NADK2: variants seen among roughly 807,000 people sequenced by gnomAD.
NADK2 encodes NAD kinase domain-containing protein 1, mitochondrial.
NADK2 carries 35 observed loss-of-function variants against 62.1 expected under a neutral mutation model. The ratio of observed to expected loss-of-function variants is 0.56; its 90% CI spans 0.43 to 0.75. NADK2 has a LOEUF of 0.75. Among genes scored for constraint, NADK2 ranks in the 30% least tolerant of loss-of-function variants. The pLI is 0.00. For synonymous variants in NADK2, 205 were observed against 207.9 expected (o/e 0.99, Z 0.12); for missense variants, 439 against 561.3 (o/e 0.78, Z 2.20).
chr5:36,195,527 T>C (rs1385976960), intron 11 of NADK2, among the ~76,000 whole-genome samples: 3 of 152,218 alleles, frequency 2.0e-5, no homozygotes, highest in Admixed American at 2.0e-4. Flanking sequence ...ACTCACAGGC[T>C]GTTTTCATAT....
In NADK2 at chr5:36,241,755, A is replaced by C. The variant is rs1428782463; in HGVS notation, c.44T>G (p.Val15Gly). The C allele has an allele frequency of 7.6e-7, 1 of 1,314,864 alleles. No individual in the cohort carries two copies. The highest frequency in any genetic ancestry group is 9.7e-7 in the Non-Finnish European group (1 of 1,027,546). 81.4% of individuals were successfully genotyped at this position (1,314,864 alleles called of 1,614,324 possible). Reference protein sequence around the residue: ...RGFLLGSCCRVAGGRAAALRG... With the variant: ...RGFLLGSCCRGAGGRAAALRG... Reference sequence around the variant, plus strand: ...CAGCGCCGCCGCCCGGCCGCCCGCCACGCGACAACAGCTGCCCAGCAAGAA... The same window carrying C: ...CAGCGCCGCCGCCCGGCCGCCCGCCCCGCGACAACAGCTGCCCAGCAAGAA... Residue 15 changes from valine to glycine, a missense_variant, in exon 1 of 12, where the codon GTG becomes GGG. By Grantham distance (109) the Val-to-Gly change is moderately radical (BLOSUM62 -3). Transcript: ENST00000381937. The surrounding 1 kb of genome is among the most constrained non-coding windows in gnomAD (Gnocchi z 4.9).
intron 2 of NADK2, among the ~76,000 whole-genome samples, chr5:36,226,925 G>C (rs145285021): frequency 1.1e-3 from 174 of 152,190 alleles, no homozygotes; most frequent in Middle Eastern, 3.4e-3. Flanking sequence ...ACCTTAGAGT[G>C]ACAATTTTTT....
intron 11 of NADK2, among the ~76,000 whole-genome samples, chr5:36,197,059 T>C (rs371275202): frequency 1.4e-4 from 21 of 152,078 alleles, no homozygotes; most frequent in East Asian, 5.8e-4. Context: ...CTTTTTTATA[T>C]CCTCTCTCCC....
intron 4 of NADK2, among the ~76,000 whole-genome samples, chr5:36,223,287 G>A (rs901057577): frequency 1.3e-5 from 2 of 152,036 alleles, no homozygotes; most frequent in African/African-American, 2.4e-5. Context: ...AAATAATCAC[G>A]CTGGCTGCAG....
intron 4 of NADK2, among the ~76,000 whole-genome samples, chr5:36,222,806 G>A (rs1274321409): frequency 6.6e-6 from 1 of 152,208 alleles, no homozygotes; most frequent in African/African-American, 2.4e-5. Context: ...TCAAAAGTAA[G>A]TTCCCTAGAA....
At chr5:36,228,783 T>C (rs2112174204) in intron 1 of NADK2, among the ~76,000 whole-genome samples, 1 of 134,352 alleles carries the variant, frequency 7.4e-6, no homozygotes, top group African/African-American at 2.5e-5. Context: ...CACAACCAGC[T>C]AATTTATTTT....
intron 1 of NADK2, among the ~76,000 whole-genome samples, chr5:36,235,499 T>C (rs1747869637): frequency 6.6e-6 from 1 of 152,186 alleles, no homozygotes; most frequent in Non-Finnish European, 1.5e-5. Context: ...CCAAAGAGAC[T>C]GATTCAGAGA....
At chr5:36,219,285 A>C (rs1391438628) in intron 5 of NADK2, among the ~76,000 whole-genome samples, 1 of 152,084 alleles carries the variant, frequency 6.6e-6, no homozygotes, top group African/African-American at 2.4e-5. Context: ...ATCTCGGCTC[A>C]CTGGAACCTC....
At chr5:36,213,063 G>T in intron 6 of NADK2, 1 of 152,300 alleles carries the variant, frequency 6.6e-6, no homozygotes. Context: ...AGACCAACAT[G>T]GTGAGGAACT....
intron 1 of NADK2, among the ~76,000 whole-genome samples, chr5:36,233,691 C>T (rs1277551554): frequency 6.6e-6 from 1 of 152,078 alleles, no homozygotes; most frequent in East Asian, 1.9e-4. Context: ...TTTTATAAAA[C>T]ATACAAGGCT....
intron 1 of NADK2, among the ~76,000 whole-genome samples, chr5:36,229,042 A>G (rs1747605692): frequency 6.6e-6 from 1 of 152,234 alleles, no homozygotes; most frequent in Non-Finnish European, 1.5e-5. Context: ...TAAAGAAAAC[A>G]CTAACAATAT....
At chr5:36,197,125 A>G (rs1182805969) in intron 11 of NADK2, among the ~76,000 whole-genome samples, 2 of 152,086 alleles carry the variant, frequency 1.3e-5, no homozygotes, top group Non-Finnish European at 2.9e-5. Context: ...GGGAAAACCT[A>G]GAAGAAATGA....
In NADK2 at chr5:36,193,264, C is replaced by A. The variant is rs1746085953; in HGVS notation, c.*1880G>T. On this transcript the variant is annotated 3_prime_UTR_variant, in exon 12 of 12. Coordinates refer to ENST00000381937, the MANE Select transcript of NADK2 (RefSeq NM_001085411.3). ...GGCCGAGGCAGGCAGATCACAAGGT[C>A]AGGAGTTCGAGACCAGCCTGACCAA... 6.6e-6 allele frequency: 1 copy of A among 151,978 alleles called. No homozygotes were observed. The highest frequency in any genetic ancestry group is 2.4e-5 in the African/African-American group (1 of 41,358). 9.4% of individuals were successfully genotyped at this position (151,978 alleles called of 1,614,324 possible). A position where few individuals can be genotyped will look rare whatever the true frequency, so the allele number is the denominator to read the frequency against.
Position 36,205,055 on chromosome 5 carries a change from A to G in NADK2, c.956+2115T>C, listed in dbSNP as rs774544447. Among the ~76,000 whole-genome samples the G allele has an allele frequency of 9.2e-5, 14 of 152,102 alleles. No individual in the cohort carries two copies. The highest frequency in any genetic ancestry group is 1.3e-4 in the Non-Finnish European group (9 of 68,000). On this transcript the variant is annotated intron_variant, in intron 8 of 11. Coordinates refer to ENST00000381937, the MANE Select transcript of NADK2 (RefSeq NM_001085411.3). The surrounding 1 kb of genome is among the most constrained non-coding windows in gnomAD (Gnocchi z 4.1). ...GTTTTAGCTATATACAATTGTGAGC[A>G]TATAGTCATTTACTCAAAAAATATT...
At chr5:36,201,649 A>G (rs1196279097) in intron 8 of NADK2, among the ~76,000 whole-genome samples, 1 of 152,040 alleles carries the variant, frequency 6.6e-6, no homozygotes, top group Non-Finnish European at 1.5e-5. Context: ...CATATAGTGT[A>G]TATGTTGTTT....
In NADK2 at chr5:36,192,967, C is replaced by G. The variant is rs138350402; in HGVS notation, c.*2177G>C. ...ACACATTTTTGCTATGCTAACATTCCTTTGCCTCTTATTCTTACAAATAAA... is the reference window on the plus strand; with the variant it reads ...ACACATTTTTGCTATGCTAACATTCGTTTGCCTCTTATTCTTACAAATAAA... On this transcript the variant is annotated 3_prime_UTR_variant, in exon 12 of 12. Transcript: ENST00000381937. 3.3e-5 allele frequency: 5 copies of G among 152,256 alleles called. No individual in the cohort carries two copies. In the East Asian group the frequency reaches 9.6e-4, roughly 29 times the overall value. 9.4% of individuals were successfully genotyped at this position (152,256 alleles called of 1,614,324 possible). A position where few individuals can be genotyped will look rare whatever the true frequency, so the allele number is the denominator to read the frequency against.
At chr5:36,240,698 C>G (rs1460420769) in intron 1 of NADK2, among the ~76,000 whole-genome samples, 1 of 152,122 alleles carries the variant, frequency 6.6e-6, no homozygotes, top group Non-Finnish European at 1.5e-5. Context: ...GGATTTGTAT[C>G]TTTGCAGATA....
intron 1 of NADK2, among the ~76,000 whole-genome samples, chr5:36,229,929 T>A (rs1357764987): frequency 6.6e-6 from 1 of 151,418 alleles, no homozygotes. Context: ...CGATGCCTCC[T>A]TTTTTGCTTA....
rs112507235 is a variant in NADK2 at position 36,228,793 on chromosome 5, T to A, written c.301-1228A>T. Among the ~76,000 whole-genome samples, 207 of 145,516 alleles carry A rather than the reference T, an allele frequency of 1.4e-3. 2 individuals are homozygous for A. Among genetic ancestry groups the A allele is most frequent in the African/African-American group, 2.2e-3 (86 of 39,108 alleles). Reference sequence around the variant, plus strand: ...ACCACCACAACCAGCTAATTTATTTTATTTTTTTTTTTGGTAGAAATGGGG... The same window carrying A: ...ACCACCACAACCAGCTAATTTATTTAATTTTTTTTTTTGGTAGAAATGGGG... On this transcript the variant is annotated intron_variant, in intron 1 of 11. Transcript: ENST00000381937.
Sources: gnomAD v4.1 joint callset for allele counts (sites outside exome capture counted in the v4.1 genomes callset) on GRCh38, gnomAD v4.1.1 for gene constraint, Gnocchi (gnomAD v3.1) non-coding constraint, MANE v1.5 for transcripts, NCBI Gene and HGNC (gene_info 2026-07-23, HGNC 2026-07-21) for gene names.